STAU2: variants seen among roughly 807,000 people sequenced by gnomAD.
The protein encoded by STAU2 is double-stranded RNA-binding protein Staufen homolog 2.
A neutral mutation model predicts 65.9 loss-of-function variants in STAU2; 20 were observed. The observed-to-expected ratio is 0.30, with a 90% CI of 0.21 to 0.44. The LOEUF (loss-of-function observed/expected upper bound fraction) is 0.44. STAU2 is among the 20% of genes least tolerant of loss of function. The probability of loss-of-function intolerance (pLI) is 1.00; values close to 1 mark genes in which losing one functional copy is unlikely to be tolerated. For missense variants in STAU2, 558 were observed against 683.9 expected, an observed-to-expected ratio of 0.82 and a Z score of 2.05; for synonymous variants, 232 against 233.9, an observed-to-expected ratio of 0.99 and a Z score of 0.07.
intron 12 of STAU2, among the ~76,000 whole-genome samples, chr8:73,575,825 A>AAAAAC (rs10622776): frequency 2.6e-5 from 4 of 151,872 alleles, no homozygotes; most frequent in Admixed American, 6.6e-5. Flanking sequence ...CACACACAAA[A>AAAAAC]AACCACAAGT....
chr8:73,545,724 T>A (rs1806869045), intron 13 of STAU2, among the ~76,000 whole-genome samples: 1 of 151,906 alleles, frequency 6.6e-6, no homozygotes, highest in South Asian at 2.1e-4. Flanking sequence ...CTTGGCTCAC[T>A]GCAAGCTCCG....
intron 6 of STAU2, among the ~76,000 whole-genome samples, chr8:73,642,422 C>T (rs1815057209): frequency 6.6e-6 from 1 of 152,094 alleles, no homozygotes; most frequent in Non-Finnish European, 1.5e-5. Flanking sequence ...ACTCACGAGG[C>T]TGAGGTAGGA....
chr8:73,506,537 G>GA (rs148095847), intron 13 of STAU2, among the ~76,000 whole-genome samples: 2,239 of 152,162 alleles, frequency 0.015, 31 homozygotes, highest in South Asian at 0.059. Flanking sequence ...CAGTTTATTA[G>GA]AAAAAAATGC....
At chr8:73,621,432 T>G (rs1452194655) in intron 6 of STAU2, among the ~76,000 whole-genome samples, 1 of 152,186 alleles carries the variant, frequency 6.6e-6, no homozygotes. Flanking sequence ...CTCGGGTATT[T>G]CTTCACAGCA....
intron 6 of STAU2, 28 bp from the exon 7 acceptor site, chr8:73,617,479 G>A (rs1026168902): frequency 6.2e-7 from 1 of 1,601,432 alleles, no homozygotes; most frequent in Non-Finnish European, 8.5e-7. Context: ...AAACATTAAA[G>A]TTAGCTTAAT....
At chr8:73,629,310 T>A (rs900896237) in intron 6 of STAU2, among the ~76,000 whole-genome samples, 5 of 152,220 alleles carry the variant, frequency 3.3e-5, no homozygotes, top group Admixed American at 3.3e-4. Context: ...TGAGTTATAT[T>A]TCTACAGGAA....
intron 6 of STAU2, among the ~76,000 whole-genome samples, chr8:73,671,561 C>T (rs1057494394): frequency 2.6e-5 from 4 of 151,938 alleles, no homozygotes; most frequent in Non-Finnish European, 5.9e-5. Flanking sequence ...GAATATTCCC[C>T]TTATAGTAAT....
At chr8:73,671,994 C>T (rs772893548) in intron 6 of STAU2, among the ~76,000 whole-genome samples, 1 of 151,740 alleles carries the variant, frequency 6.6e-6, no homozygotes, top group Non-Finnish European at 1.5e-5. Flanking sequence ...CACTGTACTC[C>T]AGCCTGGGTG....
intron 13 of STAU2, among the ~76,000 whole-genome samples, chr8:73,451,824 T>C (rs1219240948): frequency 6.6e-6 from 1 of 152,218 alleles, no homozygotes; most frequent in African/African-American, 2.4e-5. Flanking sequence ...CTTCTCCAGA[T>C]GCTAGGAAGT....
chr8:73,746,662 G>C, intron 1 of STAU2, 121 bp downstream of exon 1: 1 of 545,062 alleles, frequency 1.8e-6, no homozygotes, highest in Non-Finnish European at 2.7e-6. Context: ...GCCGCGAAGG[G>C]GGCTGCTTTT....
rs1247031636 is a variant in STAU2, at chr8:73,551,997, G to T, written c.1530+15C>A. Reference sequence around the variant, plus strand: ...ATGAATTGTTTTGTTTTTTGTTTTTGCTTTTAATTCATACCTGAAAGCCTT... The same window carrying T: ...ATGAATTGTTTTGTTTTTTGTTTTTTCTTTTAATTCATACCTGAAAGCCTT... On this transcript the variant is annotated intron_variant, in intron 13 of 14. Coordinates refer to ENST00000524300, the MANE Select transcript of STAU2 (RefSeq NM_001164380.2). 5.9e-6 allele frequency: 9 copies of T among 1,524,766 alleles called. No individual in the cohort carries two copies. Among genetic ancestry groups the T allele is most frequent in the Admixed American group, 2.2e-5 (1 of 45,464 alleles). The allele number at this position is 1,524,766 out of a possible 1,614,324, so 94.5% of individuals were successfully genotyped here.
At chr8:73,583,957 A>T (rs1410951440) in intron 11 of STAU2, among the ~76,000 whole-genome samples, 1 of 152,224 alleles carries the variant, frequency 6.6e-6, no homozygotes, top group African/African-American at 2.4e-5. Flanking sequence ...TCAAAGGTCA[A>T]ATAGATAATT....
chr8:73,660,598 C>T (rs1214570747), intron 6 of STAU2, among the ~76,000 whole-genome samples: 2 of 152,134 alleles, frequency 1.3e-5, no homozygotes, highest in Non-Finnish European at 2.9e-5. Flanking sequence ...TGGGAATGAA[C>T]GCTGAGAAAG....
At chr8:73,520,876 T>C (rs1436695605) in intron 13 of STAU2, among the ~76,000 whole-genome samples, 1 of 152,178 alleles carries the variant, frequency 6.6e-6, no homozygotes, top group African/African-American at 2.4e-5. Context: ...CTTCCTGTTA[T>C]GTGAGATAAT....
At chr8:73,539,188 T>C (rs1410732796) in intron 13 of STAU2, among the ~76,000 whole-genome samples, 2 of 152,200 alleles carry the variant, frequency 1.3e-5, no homozygotes, top group African/African-American at 4.8e-5. Flanking sequence ...AAAGTCTCTA[T>C]AATGTATTAT....
chr8:73,623,373 A>G (rs1269367638), intron 6 of STAU2, among the ~76,000 whole-genome samples: 1 of 152,208 alleles, frequency 6.6e-6, no homozygotes, highest in Non-Finnish European at 1.5e-5. Flanking sequence ...CCCAAATAAC[A>G]TTAGGATTTT....
Position 73,737,674 on chromosome 8 carries a change from C to T in STAU2, c.-18+610G>A, listed in dbSNP as rs182225669. Among the ~76,000 whole-genome samples, 745 of 150,998 alleles carry T rather than the reference C, an allele frequency of 4.9e-3. 5 individuals carry two copies. The highest frequency in any genetic ancestry group is 0.017 in the African/African-American group (706 of 41,094). ...CACCTCACCTCAGAAAGTGCTGGGA[C>T]TACAGGTTTGAGCCACCCAGCCTGG... On this transcript the variant is annotated intron_variant, in intron 3 of 14. Transcript: ENST00000524300.
chr8:73,679,431 G>A (rs1182383304), intron 5 of STAU2, among the ~76,000 whole-genome samples: 1 of 152,188 alleles, frequency 6.6e-6, no homozygotes, highest in South Asian at 2.1e-4. Flanking sequence ...CAAACTCCAT[G>A]AGACAGCCAA....
chr8:73,676,577 C>T (rs1264103014), intron 5 of STAU2, among the ~76,000 whole-genome samples: 1 of 152,090 alleles, frequency 6.6e-6, no homozygotes. Context: ...TTCCACTAAA[C>T]AAGAATTTTG....
Sources: gnomAD v4.1 joint callset for allele counts (sites outside exome capture counted in the v4.1 genomes callset) on GRCh38, gnomAD v4.1.1 for gene constraint, MANE v1.5 for transcripts, NCBI Gene and HGNC (gene_info 2026-07-23, HGNC 2026-07-21) for gene names.